Variants in STK10 observed in about 807,000 individuals in gnomAD.
The protein encoded by STK10 is serine/threonine-protein kinase 10.
Under a neutral mutation model 113.8 loss-of-function variants are expected in STK10, and 78 were observed. The ratio of observed to expected loss-of-function variants is 0.69; its 90% confidence interval spans 0.57 to 0.83. The LOEUF is 0.83. STK10 is among the 40% of genes least tolerant of loss of function. The pLI, the probability that STK10 is intolerant of heterozygous loss-of-function variation, is 0.00. For missense variants in STK10, 1,109 were observed against 1,280.1 expected (o/e 0.87, Z 2.04); for synonymous variants, 465 against 494.7 (o/e 0.94, Z 0.80).
chr5:172,137,605 G>T (rs898363860), intron 2 of STK10, among the ~76,000 whole-genome samples: 9 of 151,776 alleles, frequency 5.9e-5, no homozygotes, highest in Non-Finnish European at 1.3e-4. Context: ...ATTGGGCCAG[G>T]CGCAGTGGCT....
chr5:172,048,574 C>CT (rs1377284284), intron 18 of STK10, among the ~76,000 whole-genome samples: 3 of 152,118 alleles, frequency 2.0e-5, no homozygotes, highest in African/African-American at 7.2e-5. Context: ...AGAGTGCCAG[C>CT]TAGAGAGGAA....
chr5:172,101,946 G>A (rs1768999488), intron 7 of STK10, among the ~76,000 whole-genome samples: 1 of 151,700 alleles, frequency 6.6e-6, no homozygotes, highest in African/African-American at 2.4e-5. Flanking sequence ...GGGAGCGAGA[G>A]GGGCGATGGG....
chr5:172,149,495 C>CGTGTGT (rs3839238), intron 2 of STK10, among the ~76,000 whole-genome samples: 7 of 149,262 alleles, frequency 4.7e-5, no homozygotes, highest in East Asian at 3.9e-4. Context: ...ACAAAGTGCT[C>CGTGTGT]GTGTGTGTGT....
At chr5:172,156,473 T>G (rs1260130806) in intron 2 of STK10, 151 bp downstream of exon 2, 2 of 979,072 alleles carry the variant, frequency 2.0e-6, no homozygotes, top group East Asian at 5.5e-5. Flanking sequence ...GGTGGGTAAG[T>G]GGCCAGGAGC....
intron 4 of STK10, among the ~76,000 whole-genome samples, chr5:172,111,553 C>G (rs567084136): frequency 6.6e-6 from 1 of 152,346 alleles, no homozygotes; most frequent in South Asian, 2.1e-4. Context: ...TTGCTCCCTC[C>G]GCAGAGTTTA....
chr5:172,084,526 CAAT>C (rs1283508292), intron 10 of STK10, among the ~76,000 whole-genome samples: 2 of 151,892 alleles, frequency 1.3e-5, no homozygotes, highest in Non-Finnish European at 2.9e-5. Flanking sequence ...AAAAGGACAA[CAAT>C]GTCTCTGTAC....
intron 9 of STK10, among the ~76,000 whole-genome samples, chr5:172,091,120 A>G (rs13165937): frequency 6.6e-6 from 1 of 152,086 alleles, no homozygotes; most frequent in Admixed American, 6.6e-5. Context: ...GAGAGAACAC[A>G]TGGCAGGCAC....
chr5:172,080,533 C>T lies in STK10; in HGVS notation c.1989+1793G>A, dbSNP rs538092313. 1.2e-4 allele frequency among the ~76,000 whole-genome samples: 19 copies of T among 152,330 alleles called. No homozygotes were observed. In the South Asian group the frequency reaches 3.3e-3, roughly 27 times the overall value. ...GATAAAAGTGCTACTCCAATGAACA[C>T]GAATGATGAGAAAGCAAAACAGCCT... On this transcript the variant is annotated intron_variant, in intron 12 of 18. Transcript: ENST00000176763.
At chr5:172,063,196 G>A (rs1767972881) in intron 13 of STK10, among the ~76,000 whole-genome samples, 1 of 151,936 alleles carries the variant, frequency 6.6e-6, no homozygotes, top group Admixed American at 6.6e-5. Context: ...GTTGCAGTGA[G>A]CTGAGATCGT....
In STK10 at chr5:172,156,725, C is replaced by T; in HGVS notation, c.220G>A (p.Glu74Lys). Residue 74 changes from glutamate (E) to lysine (K), a missense_variant, in exon 2 of 19, where the codon GAG becomes AAG. This residue lies in a region of STK10 where 120 missense variants were observed against 134.8 expected (regional missense o/e 0.89). Coordinates refer to ENST00000176763, the MANE Select transcript of STK10 (RefSeq NM_005990.4). ...ATCTCCACGATGTAGTCCTCCAGCT[C>T]CTCCTCACTCTTGGTTTCAATGACT... is the stretch of plus-strand genomic sequence containing the variant. ...AKVIETKSEE[E>K]LEDYIVEIEI... 6.2e-7 allele frequency: 1 copy of T among 1,614,152 alleles called. No individual in the cohort carries two copies. The highest frequency in any genetic ancestry group is 8.5e-7 in the Non-Finnish European group (1 of 1,180,012).
At chr5:172,073,669 G>A (rs1244602035) in intron 12 of STK10, among the ~76,000 whole-genome samples, 5 of 151,684 alleles carry the variant, frequency 3.3e-5, no homozygotes, top group South Asian at 2.1e-4. Flanking sequence ...ATTCAAGGCC[G>A]GGAGCAGTGG....
chr5:172,156,426 C>T (rs77785927), intron 2 of STK10, among the ~76,000 whole-genome samples, 198 bp downstream of exon 2: 1 of 152,240 alleles, frequency 6.6e-6, no homozygotes, highest in East Asian at 1.9e-4. Context: ...TTCCAAATCA[C>T]TAGTTCTACT....
At position 172,105,744 on chromosome 5, in the gene STK10, G is replaced by T. The variant is rs772796320; in HGVS notation, c.789-7C>A. On this transcript the variant is annotated splice_polypyrimidine_tract_variant and splice_region_variant and intron_variant, in intron 6 of 18. Coordinates refer to ENST00000176763, the MANE Select transcript of STK10 (RefSeq NM_005990.4). ...GTCACGGAACTCTACAGACCTGGGA[G>T]GACAGGCGTCAGAGGTAAGCATGGA... is the stretch of plus-strand genomic sequence containing the variant. 14 of 1,613,586 alleles carry T rather than the reference G, an allele frequency of 8.7e-6. No homozygotes were observed. Among genetic ancestry groups the T allele is most frequent in the Non-Finnish European group, 1.1e-5 (13 of 1,179,938 alleles).
At chr5:172,128,735 CT>C (rs1445629965) in intron 2 of STK10, among the ~76,000 whole-genome samples, 2 of 152,252 alleles carry the variant, frequency 1.3e-5, no homozygotes, top group Non-Finnish European at 2.9e-5. Context: ...CTGGCCCCTG[CT>C]TGTTGTGAAG....
At chr5:172,078,608 A>G (rs1768361036) in intron 12 of STK10, among the ~76,000 whole-genome samples, 1 of 134,144 alleles carries the variant, frequency 7.5e-6, no homozygotes, top group Non-Finnish European at 1.5e-5. Context: ...ACTGCATTCC[A>G]GCCTCATCAT....
intron 3 of STK10, among the ~76,000 whole-genome samples, chr5:172,122,784 C>T (rs6883725): frequency 0.12 from 18,946 of 152,182 alleles, 1,194 homozygotes; most frequent in Non-Finnish European, 0.15. Flanking sequence ...CCACCATGCT[C>T]GGCTAATTTT....
At chr5:172,107,954 C>A in intron 4 of STK10, 102 bp from the exon 5 acceptor site, 1 of 917,908 alleles carries the variant, frequency 1.1e-6, no homozygotes, top group Non-Finnish European at 1.7e-6. Flanking sequence ...CTAACAGATG[C>A]CATTTTCTAT....
chr5:172,076,057 T>A (rs985910537), intron 12 of STK10, among the ~76,000 whole-genome samples: 1 of 152,222 alleles, frequency 6.6e-6, no homozygotes, highest in African/African-American at 2.4e-5. Context: ...CCTTCTCCTA[T>A]GTTCTTTGGC....
At chr5:172,152,513 G>T (rs1770257839) in intron 2 of STK10, among the ~76,000 whole-genome samples, 1 of 152,148 alleles carries the variant, frequency 6.6e-6, no homozygotes. Flanking sequence ...TTGGGCCCTG[G>T]GAGTCATCTA....
Sources: allele counts gnomAD v4.1 joint callset (sites outside exome capture counted in the v4.1 genomes callset), GRCh38; gene constraint gnomAD v4.1.1; regional missense constraint gnomAD v4.1.1; transcripts MANE v1.5; gene names NCBI Gene and HGNC (gene_info 2026-07-23, HGNC 2026-07-21).